The following IGF2BP3 variants were observed in gnomAD, a reference collection of about 807,000 sequenced individuals.
IGF2BP3 encodes the protein insulin-like growth factor 2 mRNA-binding protein 3.
In IGF2BP3, 9 loss-of-function variants were observed where a neutral mutation model predicts 73.8. The observed-to-expected ratio is 0.12, with a 90% CI of 0.07 to 0.21. The LOEUF is 0.21. Among genes scored for constraint, IGF2BP3 ranks in the 10% least tolerant of loss-of-function variants. IGF2BP3 has a pLI of 1.00. For synonymous variants in IGF2BP3, 258 were observed against 256.7 expected (o/e 1.01, Z -0.05); for missense variants, 542 against 714.0 (o/e 0.76, Z 2.75).
chr7:23,448,543 C>T (rs1228519547), intron 2 of IGF2BP3, among the ~76,000 whole-genome samples: 1 of 152,136 alleles, frequency 6.6e-6, no homozygotes, highest in Non-Finnish European at 1.5e-5. Context: ...GCTGGGACTA[C>T]AGGCATGCAC....
intron 2 of IGF2BP3, among the ~76,000 whole-genome samples, chr7:23,460,581 G>A (rs1485282783): frequency 1.3e-5 from 2 of 151,634 alleles, no homozygotes; most frequent in East Asian, 3.9e-4. Flanking sequence ...GACAAGCCTT[G>A]TCCATTGAGT....
At chr7:23,460,805 A>T (rs1788434443) in intron 2 of IGF2BP3, among the ~76,000 whole-genome samples, 1 of 151,692 alleles carries the variant, frequency 6.6e-6, no homozygotes, top group Admixed American at 6.6e-5. Flanking sequence ...ACAAAAATCA[A>T]CTGGGCATGG....
chr7:23,470,071 C>T lies in IGF2BP3; in HGVS notation c.40G>A (p.Ala14Thr), dbSNP rs745674577. 4 of 1,609,210 alleles carry T rather than the reference C, an allele frequency of 2.5e-6. No individual in the cohort carries two copies. Among genetic ancestry groups the T allele is most frequent in the Non-Finnish European group, 3.4e-6 (4 of 1,178,482 alleles). Residue 14 changes from alanine (A) to threonine (T), a missense_variant, in exon 1 of 15, where the codon GCC (alanine) becomes ACC (threonine). By Grantham distance (58) the Ala-to-Thr change is moderately conservative. Coordinates refer to ENST00000258729, the MANE Select transcript of IGF2BP3 (RefSeq NM_006547.3). ...LYIGNLSENA[A>T]PSDLESIFKD... is the part of the protein sequence containing the mutation. The stretch of plus-strand genomic sequence containing the variant: ...AAGATACTTTCTAGGTCCGAGGGGG[C>T]GGCGTTCTCGCTGAGGTTTCCGATA...
At chr7:23,412,720 G>A (rs540331199) in intron 3 of IGF2BP3, among the ~76,000 whole-genome samples, 25 of 151,890 alleles carry the variant, frequency 1.6e-4, no homozygotes, top group South Asian at 1.5e-3. Context: ...TTCAGGGAAG[G>A]TACCCCCAGC....
chr7:23,460,161 C>G (rs988394451), intron 2 of IGF2BP3, among the ~76,000 whole-genome samples: 1 of 115,324 alleles, frequency 8.7e-6, no homozygotes. Context: ...CCTGGGCAAC[C>G]GTGCGAGACC....
Position 23,317,702 on chromosome 7 carries a change from C to T in IGF2BP3, c.1332G>A (p.Ala444=), listed in dbSNP as rs156414. 0.36 allele frequency: 585,195 copies of T among 1,611,622 alleles called. 112,001 individuals are homozygous for T. The highest frequency in any genetic ancestry group is 0.4 in the Middle Eastern group (2,393 of 6,030). The part of the protein sequence containing the change: ...FAGASIKIAP[A]EAPDAKVRMV... ...TCCTCACTTTAGCATCTGGTGCTTCCGCTGGAGCAATCTGTAACAGACCCA... is the reference window on the plus strand; with the variant it reads ...TCCTCACTTTAGCATCTGGTGCTTCTGCTGGAGCAATCTGTAACAGACCCA... The change falls in exon 12 of 15, where the codon GCG becomes GCA. Residue 444 remains alanine, a synonymous_variant. Transcript: ENST00000258729.
At position 23,397,336 on chromosome 7, in the gene IGF2BP3, A is replaced by G. The variant is rs575234399; in HGVS notation, c.285+21440T>C. Among the ~76,000 whole-genome samples the G allele has an allele frequency of 2.6e-5, 4 of 152,360 alleles. No individual in the cohort carries two copies. In the East Asian group the frequency reaches 5.8e-4, roughly 22 times the overall value. ...AAGGACAGGGAAGGAGCTCAGCTCCACAGCTCAGGGAGGGTGACAGAATGG... is the reference window on the plus strand; with the variant it reads ...AAGGACAGGGAAGGAGCTCAGCTCCGCAGCTCAGGGAGGGTGACAGAATGG... On this transcript the variant is annotated intron_variant, in intron 3 of 14. Transcript: ENST00000258729.
At chr7:23,392,654 T>G (rs1479478100) in intron 3 of IGF2BP3, among the ~76,000 whole-genome samples, 1 of 151,928 alleles carries the variant, frequency 6.6e-6, no homozygotes, top group Non-Finnish European at 1.5e-5. Flanking sequence ...GGAGACAGGG[T>G]CTTGCTGCTC....
intron 11 of IGF2BP3, chr7:23,317,936 C>T (rs1298601320): frequency 9.1e-6 from 5 of 551,426 alleles, no homozygotes; most frequent in African/African-American, 5.6e-5. Context: ...GAGACCTCCA[C>T]GTGCTGTCTC....
intron 3 of IGF2BP3, among the ~76,000 whole-genome samples, chr7:23,377,922 T>C (rs915242741): frequency 6.6e-6 from 1 of 152,170 alleles, no homozygotes; most frequent in African/African-American, 2.4e-5. Context: ...GAAAGTAGAT[T>C]AGTGGTTTCT....
intron 5 of IGF2BP3, among the ~76,000 whole-genome samples, chr7:23,354,901 GAC>G: frequency 6.6e-6 from 1 of 152,236 alleles, no homozygotes; most frequent in Middle Eastern, 3.4e-3. Context: ...TCCACAGTCA[GAC>G]ACAGCTGAAA....
At chr7:23,467,222 G>T (rs1316185903) in intron 2 of IGF2BP3, among the ~76,000 whole-genome samples, 3 of 152,100 alleles carry the variant, frequency 2.0e-5, no homozygotes, top group African/African-American at 7.2e-5. Context: ...TTAAAAACAA[G>T]ATTTGTGAAA....
At chr7:23,410,338 T>A (rs367884649) in intron 3 of IGF2BP3, among the ~76,000 whole-genome samples, 1 of 151,972 alleles carries the variant, frequency 6.6e-6, no homozygotes, top group Non-Finnish European at 1.5e-5. Context: ...GCCTGGGCGA[T>A]AGGAGTCAAG....
At chr7:23,456,006 C>T (rs1001952691) in intron 2 of IGF2BP3, among the ~76,000 whole-genome samples, 1 of 152,048 alleles carries the variant, frequency 6.6e-6, no homozygotes, top group Non-Finnish European at 1.5e-5. Flanking sequence ...TTCTTTCTAG[C>T]CCCTGAAACC....
chr7:23,458,096 C>T (rs1788363035), intron 2 of IGF2BP3, among the ~76,000 whole-genome samples: 1 of 152,166 alleles, frequency 6.6e-6, no homozygotes, highest in Non-Finnish European at 1.5e-5. Flanking sequence ...GGAATGACTA[C>T]TGGGTGACGT....
At chr7:23,348,258 A>T (rs1479466509) in intron 6 of IGF2BP3, among the ~76,000 whole-genome samples, 2 of 152,238 alleles carry the variant, frequency 1.3e-5, no homozygotes, top group African/African-American at 4.8e-5. Flanking sequence ...AGTGATAGGA[A>T]TGGAACCTGG....
chr7:23,383,272 T>C (rs62468243), intron 3 of IGF2BP3, among the ~76,000 whole-genome samples: 18,946 of 152,182 alleles, frequency 0.12, 1,315 homozygotes, highest in Middle Eastern at 0.21. Flanking sequence ...TGAGTAACTT[T>C]TACAACTCAG....
At chr7:23,447,426 C>T (rs906802871) in intron 2 of IGF2BP3, among the ~76,000 whole-genome samples, 1 of 151,940 alleles carries the variant, frequency 6.6e-6, no homozygotes, top group Non-Finnish European at 1.5e-5. Flanking sequence ...GAGTCTGACA[C>T]CAGCCTGGCC....
chr7:23,313,497 G>A, intron 13 of IGF2BP3, 25 bp downstream of exon 13: 1 of 1,612,172 alleles, frequency 6.2e-7, no homozygotes, highest in South Asian at 1.1e-5. Flanking sequence ...TCATACCACT[G>A]CACAGGTTTT....
Sources: allele counts gnomAD v4.1 joint callset (sites outside exome capture counted in the v4.1 genomes callset), GRCh38; gene constraint gnomAD v4.1.1; transcripts MANE v1.5; gene names NCBI Gene and HGNC (gene_info 2026-07-23, HGNC 2026-07-21).